TTN: variants seen among roughly 807,000 people sequenced by gnomAD.
The protein encoded by TTN is connectin.
TTN carries 1,525 observed loss-of-function variants against 3,223.0 expected under a neutral mutation model. The observed-to-expected ratio is 0.47, with a 90% CI of 0.45 to 0.49. The LOEUF is 0.49. Among genes scored for constraint, TTN ranks in the 20% least tolerant of loss-of-function variants. The pLI is 0.00. For synonymous variants in TTN, 14,094 were observed against 15,161.0 expected, an observed-to-expected ratio of 0.93 and a Z score of 5.17; for missense variants, 40,786 against 43,424.0, an observed-to-expected ratio of 0.94 and a Z score of 5.40.
rs370317019 is a variant in TTN, at chr2:178,750,068, G to A, written c.11311+3056C>T. The A allele has an allele frequency of 1.5e-5, 25 of 1,613,222 alleles. No individual in the cohort carries two copies. The East Asian group carries it at 3.3e-4, about 22-fold the overall frequency. ...CTCTTTATCCTGTTCTGGGATAGGA[G>A]TAGCTGCTGTTACCTGAATTTCTAC... On this transcript the variant is annotated intron_variant, in intron 47 of 362. Coordinates refer to ENST00000589042, the MANE Select transcript of TTN (RefSeq NM_001267550.2).
intron 147 of TTN, 49 bp from the exon 148 acceptor site, chr2:178,676,044 AAG>A: frequency 1.3e-6 from 2 of 1,528,154 alleles, no homozygotes; most frequent in Non-Finnish European, 1.8e-6. Flanking sequence ...AGGACAAAAA[AAG>A]AGAAACCAAG....
chr2:178,526,886 G>T lies in TTN; in HGVS notation c.*126C>A. Reference sequence around the variant, plus strand: ...ATTGAAATGAATATTTTTGAACTTTGACTCATTTAGGTTGATACAAAACTA... The same window carrying T: ...ATTGAAATGAATATTTTTGAACTTTTACTCATTTAGGTTGATACAAAACTA... On this transcript the variant is annotated 3_prime_UTR_variant, in exon 363 of 363. Coordinates refer to ENST00000589042, the MANE Select transcript of TTN (RefSeq NM_001267550.2). The T allele has an allele frequency of 1.2e-6, 1 of 806,914 alleles. No individual in the cohort carries two copies. The highest frequency in any genetic ancestry group is 1.8e-6 in the Non-Finnish European group (1 of 543,250). The allele number at this position is 806,914 out of a possible 1,614,324, so 50.0% of individuals were successfully genotyped here. A position where few individuals can be genotyped will look rare whatever the true frequency, so the allele number is the denominator to read the frequency against.
At position 178,727,777 on chromosome 2, in the gene TTN, G is replaced by A. The variant is rs1175980116; in HGVS notation, c.19801C>T (p.Pro6601Ser). ...TTAAACCATTTTATTTTAAATGGTGGTGTTCCTTTTAGTATTGCCTTAAAT... is the reference window on the plus strand; with the variant it reads ...TTAAACCATTTTATTTTAAATGGTGATGTTCCTTTTAGTATTGCCTTAAAT... ...VEFKAILKGTPPFKIKWFKDD... is the reference protein window; with the variant it reads ...VEFKAILKGTSPFKIKWFKDD... Residue 6601 changes from proline (P) to serine (S), a missense_variant, in exon 68 of 363, where the codon CCA (proline) becomes TCA (serine). Physicochemically the swap from Pro to Ser is moderately conservative, Grantham distance 74 (BLOSUM62 -1). Coordinates refer to ENST00000589042, the MANE Select transcript of TTN (RefSeq NM_001267550.2). 6.8e-6 allele frequency: 11 copies of A among 1,613,088 alleles called. No individual in the cohort carries two copies. Among genetic ancestry groups the A allele is most frequent in the African/African-American group, 2.7e-5 (2 of 74,872 alleles).
chr2:178,536,599 AG>A, intron 356 of TTN, 24 bp from the exon 357 acceptor site: 2 of 1,477,686 alleles, frequency 1.4e-6, no homozygotes, highest in Non-Finnish European at 8.9e-7. Flanking sequence ...AAAAGATTTG[AG>A]TCATGAGATG....
In TTN at chr2:178,665,385, C is replaced by A. The variant is rs576436744; in HGVS notation, c.36035G>T (p.Arg12012Leu). 39 of 1,612,232 alleles carry A rather than the reference C, an allele frequency of 2.4e-5. 1 individual carries two copies. In the African/African-American group the frequency reaches 4.0e-4, roughly 17 times the overall value. The change falls in exon 165 of 363, where the codon CGT becomes CTT. Residue 12012 changes from arginine to leucine, a missense_variant. Transcript: ENST00000589042. ...EDVPEEPETP[R>L]MKTPEAPQEI... The stretch of plus-strand genomic sequence containing the variant: ...GTTCAGAGGTAACGTACTTTTCATA[C>A]GTGGAGTTTCTGGCTCTTCAGGTAC...
chr2:178,664,472 C>T lies in TTN; in HGVS notation c.36268G>A (p.Val12090Ile), dbSNP rs749290848. 2 of 1,611,302 alleles carry T rather than the reference C, an allele frequency of 1.2e-6. No individual in the cohort carries two copies. Among genetic ancestry groups the T allele is most frequent in the African/African-American group, 1.3e-5 (1 of 74,868 alleles). Residue 12090 changes from valine to isoleucine, a missense_variant, in exon 168 of 363, where the codon GTA (valine) becomes ATA (isoleucine). Val to Ile is a conservative substitution (Grantham distance 29). Transcript: ENST00000589042. ...KVHPPQRAEVVPVKVHEAPKE... is the reference protein window; with the variant it reads ...KVHPPQRAEVIPVKVHEAPKE... ...GTTAAGAATGTACCTTTGACAGGTA[C>T]AACTTCAGCCCTTTGGGGAGGATGC...
At position 178,684,695 on chromosome 2, in the gene TTN, A is replaced by C; in HGVS notation, c.32609T>G (p.Ile10870Ser). The change falls in exon 131 of 363, where the codon ATT (isoleucine) becomes AGT (serine). Residue 10870 changes from isoleucine (I) to serine (S), a missense_variant. Ile to Ser is a moderately radical substitution (Grantham distance 142). Transcript: ENST00000589042. ...VPEKKVPPKVIKMEEPLPAKV... is the reference protein window; with the variant it reads ...VPEKKVPPKVSKMEEPLPAKV... ...GGCTGGGAGAGGTTCTTCCATCTTA[A>C]TGACTTTTGGAGGAACCTTTTTTTC... 1 of 1,612,196 alleles carries C rather than the reference A, an allele frequency of 6.2e-7. No individual in the cohort carries two copies. The highest frequency in any genetic ancestry group is 1.1e-5 in the South Asian group (1 of 90,566).
chr2:178,665,472 T>G lies in TTN; in HGVS notation c.35960-12A>C. ...CATAGCTTCTGGTGCTTTGAAGATA[T>G]TAGTATTATGGTTAGAGGTTAAAAG... On this transcript the variant is annotated splice_polypyrimidine_tract_variant and intron_variant, in intron 164 of 362. Coordinates refer to ENST00000589042, the MANE Select transcript of TTN (RefSeq NM_001267550.2). 6.2e-7 allele frequency: 1 copy of G among 1,611,370 alleles called. No homozygotes were observed. Among genetic ancestry groups the G allele is most frequent in the Non-Finnish European group, 8.5e-7 (1 of 1,178,736 alleles).
At chr2:178,680,181 T>C in intron 139 of TTN, 73 bp downstream of exon 139, 1 of 1,585,996 alleles carries the variant, frequency 6.3e-7, no homozygotes, top group Non-Finnish European at 8.6e-7. Flanking sequence ...AAAAGAAGTT[T>C]TCACACACAG....
Position 178,618,412 on chromosome 2 carries a change from T to C in TTN, c.47046A>G (p.Leu15682=). The C allele has an allele frequency of 6.2e-7, 1 of 1,612,498 alleles. No individual in the cohort carries two copies. The highest frequency in any genetic ancestry group is 2.2e-5 in the East Asian group (1 of 44,604). ...CTATGATTTTGCTTCCACCATCAGT[T>C]AAAGGTTCTTCCCAAGCAAGGCTCA... ...GEVSLAWEEP[L]TDGGSKIIGY... is the part of the protein sequence containing the mutation. Residue 15682 remains leucine (L), a synonymous_variant, in exon 252 of 363, where the codon TTA becomes TTG. Coordinates refer to ENST00000589042, the MANE Select transcript of TTN (RefSeq NM_001267550.2).
In TTN at chr2:178,615,704, T is replaced by TA; in HGVS notation, c.48396dup (p.Asn16133Ter). 1 of 1,612,524 alleles carries TA rather than the reference T, an allele frequency of 6.2e-7. No homozygotes were observed. Among genetic ancestry groups the TA allele is most frequent in the Non-Finnish European group, 8.5e-7 (1 of 1,178,952 alleles). ...GCAGGTTCTCCAGGGCCACATTTGTTACGAGCACAAACTTTAAATAAGTAC... is the reference window on the plus strand; with the variant it reads ...GCAGGTTCTCCAGGGCCACATTTGTTAACGAGCACAAACTTTAAATAAGTAC... On this transcript the variant is annotated frameshift_variant, in exon 258 of 363. Transcript: ENST00000589042. LOFTEE classifies it high-confidence loss of function.
Position 178,704,771 on chromosome 2 carries a change from T to G in TTN, c.29701A>C (p.Thr9901Pro), listed in dbSNP as rs1295313284. The part of the protein sequence containing the change: ...QQRLSQTEPV[T>P]LIKDIENQTV... ...TGATTTTCAATGTCCTTGATCAGAG[T>G]GACAGGCTAGGAGAATAAAGAATTA... Residue 9901 changes from threonine to proline, a missense_variant, in exon 105 of 363, where the codon ACT becomes CCT. Coordinates refer to ENST00000589042, the MANE Select transcript of TTN (RefSeq NM_001267550.2). 24 of 1,609,480 alleles carry G rather than the reference T, an allele frequency of 1.5e-5. No homozygotes were observed. Among genetic ancestry groups the G allele is most frequent in the Non-Finnish European group, 2.0e-5 (23 of 1,178,808 alleles).
intron 47 of TTN, chr2:178,750,894 T>C: frequency 6.2e-7 from 1 of 1,612,900 alleles, no homozygotes; most frequent in South Asian, 1.1e-5. Context: ...AGCTGTCCTC[T>C]TGCTTGGGTA....
chr2:178,634,707 T>G lies in TTN; in HGVS notation c.42151+16A>C. On this transcript the variant is annotated intron_variant, in intron 229 of 362. Coordinates refer to ENST00000589042, the MANE Select transcript of TTN (RefSeq NM_001267550.2). This position sits in a 1 kb window ranked among gnomAD's most constrained non-coding sequence, Gnocchi z 4.6. Reference sequence around the variant, plus strand: ...ATAAAGTTGAGACCCCTCCCCAAATTCTAAAAGCCCCATACCTTTTACTGT... The same window carrying G: ...ATAAAGTTGAGACCCCTCCCCAAATGCTAAAAGCCCCATACCTTTTACTGT... 1.2e-6 allele frequency: 2 copies of G among 1,612,594 alleles called. No individual in the cohort carries two copies. The highest frequency in any genetic ancestry group is 2.2e-5 in the South Asian group (2 of 90,880).
Position 178,620,715 on chromosome 2 carries a change from C to T in TTN, c.45895G>A (p.Glu15299Lys), listed in dbSNP as rs397517582. ...VKSAANLIVE[E>K]EDLRIVEPLK... ...CTCTAGTGGTATATAAATTACTTAC[C>T]TTCTACTATTAGATTGGCTGCACTT... is the stretch of plus-strand genomic sequence containing the variant. The change falls in exon 247 of 363, where the codon GAG becomes AAG. Residue 15299 changes from glutamate (E) to lysine (K), a missense_variant and splice_region_variant. Coordinates refer to ENST00000589042, the MANE Select transcript of TTN (RefSeq NM_001267550.2). 1.1e-5 allele frequency: 17 copies of T among 1,612,176 alleles called. No homozygotes were observed. Among genetic ancestry groups the T allele is most frequent in the Non-Finnish European group, 1.4e-5 (17 of 1,178,984 alleles).
chr2:178,586,523 C>T lies in TTN; in HGVS notation c.64378G>A (p.Glu21460Lys). 6.2e-7 allele frequency: 1 copy of T among 1,613,122 alleles called. No homozygotes were observed. The highest frequency in any genetic ancestry group is 8.5e-7 in the Non-Finnish European group (1 of 1,179,336). ...TACTTACACAGTTGTTCTTTGGCTT[C>T]ATACACTCCTTCAGCTTCTCTTGGC... ...SLPREAEGVY[E>K]AKEQLLPPKI... Residue 21460 changes from glutamate to lysine, a missense_variant, in exon 308 of 363, where the codon GAA becomes AAA. Physicochemically the swap from Glu to Lys is moderately conservative, Grantham distance 56. Coordinates refer to ENST00000589042, the MANE Select transcript of TTN (RefSeq NM_001267550.2).
In TTN at chr2:178,679,905, A is replaced by G. The variant is rs745458523; in HGVS notation, c.33569T>C (p.Ile11190Thr). 2 of 1,613,030 alleles carry G rather than the reference A, an allele frequency of 1.2e-6. No homozygotes were observed. Among genetic ancestry groups the G allele is most frequent in the South Asian group, 2.2e-5 (2 of 91,000 alleles). Residue 11190 changes from isoleucine to threonine, a missense_variant, in exon 140 of 363, where the codon ATA becomes ACA. Coordinates refer to ENST00000589042, the MANE Select transcript of TTN (RefSeq NM_001267550.2). ...FITEEEVVPV[I>T]PVKVPEVPRK... ...GAGGCATCATCTACCTTTGACTGGT[A>G]TCACTGGCACCACTTCTTCCTCAGT... is the stretch of plus-strand genomic sequence containing the variant.
At position 178,545,967 on chromosome 2, in the gene TTN, T is replaced by C; in HGVS notation, c.95269A>G (p.Ile31757Val). 6.2e-7 allele frequency: 1 copy of C among 1,613,848 alleles called. No individual in the cohort carries two copies. Among genetic ancestry groups the C allele is most frequent in the Non-Finnish European group, 8.5e-7 (1 of 1,179,792 alleles). Residue 31757 changes from isoleucine (I) to valine (V), a missense_variant, in exon 343 of 363, where the codon ATT becomes GTT. Transcript: ENST00000589042. ...RRETSRLNWV[I>V]VEGECPTLSY... ...AGGGTTGGGCATTCGCCTTCAACAATCACCCAGTTGAGCCTGCTAGTCTCG... is the reference window on the plus strand; with the variant it reads ...AGGGTTGGGCATTCGCCTTCAACAACCACCCAGTTGAGCCTGCTAGTCTCG...
chr2:178,691,556 G>A (rs897721078), intron 121 of TTN, among the ~76,000 whole-genome samples: 3 of 152,126 alleles, frequency 2.0e-5, no homozygotes, highest in Admixed American at 6.5e-5. Flanking sequence ...TAAGAAGCGT[G>A]GTACTATGTA....
Sources: allele counts gnomAD v4.1 joint callset (sites outside exome capture counted in the v4.1 genomes callset), GRCh38; gene constraint gnomAD v4.1.1; non-coding constraint Gnocchi (gnomAD v3.1); transcripts MANE v1.5; gene names NCBI Gene and HGNC (gene_info 2026-07-23, HGNC 2026-07-21).